SNX5: variants seen among roughly 807,000 people sequenced by gnomAD.
SNX5 encodes the protein sorting nexin-5.
A neutral mutation model predicts 53.9 loss-of-function variants in SNX5; 31 were observed. The observed-to-expected ratio is 0.58, with a 90% CI of 0.43 to 0.78. The LOEUF (loss-of-function observed/expected upper bound fraction) is 0.78. Among genes scored for constraint, SNX5 ranks in the 30% least tolerant of loss-of-function variants. SNX5 has a pLI of 0.00. For synonymous variants in SNX5, 168 were observed against 171.1 expected (o/e 0.98, Z 0.14); for missense variants, 471 against 478.8 (o/e 0.98, Z 0.15).
chr20:17,960,253 G>C (rs1478852812), intron 1 of SNX5, among the ~76,000 whole-genome samples: 1 of 152,178 alleles, frequency 6.6e-6, no homozygotes, highest in East Asian at 1.9e-4. Context: ...TTGAGGTCAG[G>C]AGATCGAGAC....
rs1237763696 is a variant in SNX5, at chr20:17,962,059, G to A, written c.52-5022C>T. 3.5e-6 allele frequency: 3 copies of A among 856,194 alleles called. No homozygotes were observed. The African/African-American group carries it at 5.5e-5, about 16-fold the overall frequency. 53.0% of individuals were successfully genotyped at this position (856,194 alleles called of 1,614,324 possible). On this transcript the variant is annotated intron_variant, in intron 1 of 12. Coordinates refer to ENST00000377759, the MANE Select transcript of SNX5 (RefSeq NM_014426.4). ...CTCAGGAAACAATGTTCCCATTGGT[G>A]CTCCGAATTGTTACTATTCTCTGCC... is the stretch of plus-strand genomic sequence containing the variant.
At chr20:17,942,561 A>G in intron 12 of SNX5, 154 bp from the exon 13 acceptor site, 1 of 663,042 alleles carries the variant, frequency 1.5e-6, no homozygotes, top group South Asian at 1.8e-5. Flanking sequence ...GGTGAACTGC[A>G]ACGTACCACG....
chr20:17,948,475 T>A (rs1224929981), intron 10 of SNX5, among the ~76,000 whole-genome samples: 2 of 152,256 alleles, frequency 1.3e-5, no homozygotes, highest in Non-Finnish European at 2.9e-5. Flanking sequence ...ACATTTCACA[T>A]AAAATTAAAA....
At position 17,943,473 on chromosome 20, in the gene SNX5, C is replaced by T; in HGVS notation, c.1079-278G>A. 3.7e-5 allele frequency: 14 copies of T among 379,742 alleles called. No homozygotes were observed. The South Asian group carries it at 3.7e-4, about 10-fold the overall frequency. The allele number at this position is 379,742 out of a possible 1,614,324, so 23.5% of individuals were successfully genotyped here. A position where few individuals can be genotyped will look rare whatever the true frequency, so the allele number is the denominator to read the frequency against. On this transcript the variant is annotated intron_variant, in intron 11 of 12. Transcript: ENST00000377759. ...ATGACTTGGAGAACACGTTGATGAG[C>T]AGCCTCACTCTCACCCTCTAGGTAC...
chr20:17,962,102 T>C (rs2035462853), intron 1 of SNX5: 1 of 458,862 alleles, frequency 2.2e-6, no homozygotes, highest in Non-Finnish European at 2.9e-6. Context: ...AGATAACTAA[T>C]ACGTACCTAT....
intron 4 of SNX5, 65 bp downstream of exon 4, chr20:17,953,931 T>G: frequency 7.2e-7 from 1 of 1,384,382 alleles, no homozygotes; most frequent in African/African-American, 1.4e-5. Context: ...CTTCTACTTA[T>G]TTTTGTACAC....
chr20:17,960,017 AAC>A lies in SNX5; in HGVS notation c.52-2982_52-2981del, dbSNP rs1156614395. On this transcript the variant is annotated intron_variant, in intron 1 of 12. Transcript: ENST00000377759. Reference sequence around the variant, plus strand: ...TACAATGCTTACAGTGGCCGTTTACAACAGTTAACAAAGCAGGCTTTAGAACC... The same window carrying A: ...TACAATGCTTACAGTGGCCGTTTACAAGTTAACAAAGCAGGCTTTAGAACC... Among the ~76,000 whole-genome samples, 6 of 152,304 alleles carry A rather than the reference AAC, an allele frequency of 3.9e-5. No individual in the cohort carries two copies. The East Asian group carries it at 1.2e-3, about 29-fold the overall frequency.
At chr20:17,960,290 G>A (rs560354149) in intron 1 of SNX5, among the ~76,000 whole-genome samples, 6 of 152,000 alleles carry the variant, frequency 3.9e-5, no homozygotes, top group East Asian at 1.9e-4. Flanking sequence ...GTGAAACCCC[G>A]TCTCTACTAA....
intron 1 of SNX5, among the ~76,000 whole-genome samples, chr20:17,957,641 A>G (rs989756731): frequency 6.6e-6 from 1 of 152,194 alleles, no homozygotes; most frequent in Non-Finnish European, 1.5e-5. Context: ...GCCTGAACTA[A>G]ATAGAACAAA....
chr20:17,953,996 G>A lies in SNX5; in HGVS notation c.389C>T (p.Ala130Val), dbSNP rs752967148. ...EFAKMKQELE[A>V]EYLAVFKKTV... is the part of the protein sequence containing the mutation. ...GAGCCCACCAGGAAAATCCACTTAC[G>A]CTTCCAGTTCTTGTTTCATCTTGGC... The change falls in exon 4 of 13, where the codon GCT (alanine) becomes GTT (valine). Residue 130 changes from alanine (A) to valine (V), a missense_variant and splice_region_variant. Transcript: ENST00000377759. 5.0e-6 allele frequency: 8 copies of A among 1,612,366 alleles called. No homozygotes were observed. The highest frequency in any genetic ancestry group is 6.8e-6 in the Non-Finnish European group (8 of 1,178,822).
chr20:17,968,542 C>T lies in SNX5; in HGVS notation c.-117G>A, dbSNP rs1389916257. 3 of 1,005,926 alleles carry T rather than the reference C, an allele frequency of 3.0e-6. No individual in the cohort carries two copies. Among genetic ancestry groups the T allele is most frequent in the African/African-American group, 3.4e-5 (2 of 59,038 alleles). 62.3% of individuals were successfully genotyped at this position (1,005,926 alleles called of 1,614,324 possible). A position where few individuals can be genotyped will look rare whatever the true frequency, so the allele number is the denominator to read the frequency against. On this transcript the variant is annotated 5_prime_UTR_variant, in exon 1 of 13. Coordinates refer to ENST00000377759, the MANE Select transcript of SNX5 (RefSeq NM_014426.4). ...CGGCCACGGCCCCGCCTCCGCCGGC[C>T]TCCCTGCCCGACGGCGGCAGGAGGC...
chr20:17,942,463 T>G lies in SNX5; in HGVS notation c.1165-56A>C, dbSNP rs2039431167. 2.3e-6 allele frequency: 3 copies of G among 1,307,760 alleles called. No homozygotes were observed. The South Asian group carries it at 3.5e-5, about 15-fold the overall frequency. 81.0% of individuals were successfully genotyped at this position (1,307,760 alleles called of 1,614,324 possible). ...GAATTATTAAAACTTGCCATATACC[T>G]GGAATGACTCAAGTACACCAACACG... On this transcript the variant is annotated intron_variant, in intron 12 of 12. Transcript: ENST00000377759.
At chr20:17,961,139 C>A (rs1198097142) in intron 1 of SNX5, 11 of 985,310 alleles carry the variant, frequency 1.1e-5, no homozygotes, top group Middle Eastern at 1.0e-3. Context: ...CATTTCCTCA[C>A]CTATTCATCA....
chr20:17,967,729 T>A (rs2035574512), intron 1 of SNX5: 1 of 208,112 alleles, frequency 4.8e-6, no homozygotes, highest in Non-Finnish European at 9.4e-6. Flanking sequence ...ATTTATTGCA[T>A]AAATAATCTT....
At chr20:17,950,086 C>T (rs757496267) in intron 8 of SNX5, 46 bp downstream of exon 8, 2 of 1,524,712 alleles carry the variant, frequency 1.3e-6, no homozygotes, top group Non-Finnish European at 1.8e-6. Context: ...CACCACTCGG[C>T]ACTCTTCAAT....
At chr20:17,947,396 C>G in intron 11 of SNX5, 90 bp downstream of exon 11, 1 of 1,393,776 alleles carries the variant, frequency 7.2e-7, no homozygotes, top group Non-Finnish European at 9.9e-7. Context: ...GTGAAGGATA[C>G]ATGGGTGTTT....
rs2039546449 is a variant in SNX5, at chr20:17,950,217, CA to C, written c.716-11del. On this transcript the variant is annotated splice_polypyrimidine_tract_variant and intron_variant, in intron 7 of 12. Transcript: ENST00000377759. ...TAGTCATCGGCAACATCTGCAGAAA[CA>C]AGGACAAGTCTTTTTATCCAAACAC... is the stretch of plus-strand genomic sequence containing the variant. 1 of 1,614,084 alleles carries C rather than the reference CA, an allele frequency of 6.2e-7. No individual in the cohort carries two copies. Among genetic ancestry groups the C allele is most frequent in the Non-Finnish European group, 8.5e-7 (1 of 1,179,968 alleles).
At chr20:17,953,946 C>A (rs767244561) in intron 4 of SNX5, 50 bp downstream of exon 4, 1 of 1,485,566 alleles carries the variant, frequency 6.7e-7, no homozygotes, top group South Asian at 1.2e-5. Context: ...GTACACAGCA[C>A]CACTTTTCTA....
Position 17,948,893 on chromosome 20 carries a change from A to G in SNX5, c.915T>C (p.Ala305=), listed in dbSNP as rs377587399. ...LRYYMLNIEA[A]KDLLYRRTKA... ...AGCTGAGCAACTCTCTTCCTACCTT[A>G]GCAGCTTCAATGTTGAGCATGTAGT... Residue 305 remains alanine, a synonymous_variant, in exon 10 of 13, where the codon GCT becomes GCC. Transcript: ENST00000377759. 6.2e-7 allele frequency: 1 copy of G among 1,611,590 alleles called. No individual in the cohort carries two copies. The highest frequency in any genetic ancestry group is 2.2e-5 in the East Asian group (1 of 44,876).
Sources: allele counts gnomAD v4.1 joint callset (sites outside exome capture counted in the v4.1 genomes callset), GRCh38; gene constraint gnomAD v4.1.1; transcripts MANE v1.5; gene names NCBI Gene and HGNC (gene_info 2026-07-23, HGNC 2026-07-21).